The following TMEM74 variants were observed in gnomAD, a reference collection of about 807,000 sequenced individuals.
TMEM74 encodes the protein transmembrane protein 74.
TMEM74 carries 13 observed loss-of-function variants against 18.1 expected under a neutral mutation model. The observed-to-expected ratio is 0.72, with a 90% confidence interval of 0.47 to 1.14. The LOEUF is 1.14. Among genes scored for constraint, TMEM74 ranks in the 50% most tolerant of loss-of-function variants. The probability of loss-of-function intolerance (pLI) is 0.00; values close to 1 mark genes in which losing one functional copy is unlikely to be tolerated. For synonymous variants in TMEM74, 159 were observed against 146.6 expected, an observed-to-expected ratio of 1.08 and a Z score of -0.61; for missense variants, 372 against 375.9, an observed-to-expected ratio of 0.99 and a Z score of 0.09.
At chr8:108,666,592 C>T (rs1251993490) in intron 1 of TMEM74, among the ~76,000 whole-genome samples, 2 of 152,058 alleles carry the variant, frequency 1.3e-5, no homozygotes, top group African/African-American at 2.4e-5. Flanking sequence ...GCTAATGTAC[C>T]CCTGCATAGC....
chr8:108,726,937 TC>T (rs1272073495), intron 1 of TMEM74, among the ~76,000 whole-genome samples: 3 of 152,088 alleles, frequency 2.0e-5, no homozygotes, highest in Non-Finnish European at 4.4e-5. Flanking sequence ...CAGAGCATGG[TC>T]CAGAGAGGCC....
chr8:108,751,523 T>A (rs1403118541), intron 1 of TMEM74, among the ~76,000 whole-genome samples: 5 of 152,156 alleles, frequency 3.3e-5, no homozygotes, highest in African/African-American at 1.2e-4. Context: ...TATAAAAGAA[T>A]CCAAGATGGA....
intron 1 of TMEM74, among the ~76,000 whole-genome samples, chr8:108,718,255 G>GC (rs1208854323): frequency 2.0e-5 from 3 of 151,686 alleles, no homozygotes; most frequent in Non-Finnish European, 4.4e-5. Flanking sequence ...ACCGCGCCCG[G>GC]CCCTGACTTA....
chr8:108,705,719 A>G (rs77452738), intron 1 of TMEM74, among the ~76,000 whole-genome samples: 2 of 140,782 alleles, frequency 1.4e-5, no homozygotes, highest in South Asian at 2.1e-4. Context: ...GAGTCTTATG[A>G]AAAAAAAAGT....
chr8:108,616,125 A>G (rs1010000157), intron 2 of TMEM74, among the ~76,000 whole-genome samples: 3 of 152,086 alleles, frequency 2.0e-5, no homozygotes, highest in Non-Finnish European at 4.4e-5. Flanking sequence ...GATCTTAGGC[A>G]AAGCGTGTTT....
intron 1 of TMEM74, among the ~76,000 whole-genome samples, chr8:108,705,220 A>G (rs1248895530): frequency 6.6e-6 from 1 of 152,216 alleles, no homozygotes; most frequent in Non-Finnish European, 1.5e-5. Context: ...AAAGAAAAAG[A>G]CAACATAAAA....
intron 1 of TMEM74, among the ~76,000 whole-genome samples, chr8:108,678,681 T>C (rs913437172): frequency 4.0e-5 from 6 of 151,324 alleles, no homozygotes; most frequent in Non-Finnish European, 7.4e-5. Flanking sequence ...CTTTTTTTTT[T>C]CTTATAAAGC....
chr8:108,756,572 G>GAAAGAAAA (rs1408973369), intron 1 of TMEM74, among the ~76,000 whole-genome samples: 1 of 111,222 alleles, frequency 9.0e-6, no homozygotes, highest in African/African-American at 3.9e-5. Context: ...AAGAAAGAAA[G>GAAAGAAAA]AAAGAAAGAA....
chr8:108,615,025 C>T (rs1430411686), intron 2 of TMEM74, among the ~76,000 whole-genome samples: 1 of 152,108 alleles, frequency 6.6e-6, no homozygotes, highest in African/African-American at 2.4e-5. Context: ...ACTGAAAGGT[C>T]AATATTCTGG....
At chr8:108,657,879 T>TATATATATATATTAATTAC (rs1554630292) in intron 1 of TMEM74, among the ~76,000 whole-genome samples, 42 of 82,710 alleles carry the variant, frequency 5.1e-4, no homozygotes, top group South Asian at 3.2e-3. Flanking sequence ...TATATATATA[T>TATATATATATATTAATTAC]ATATATATAT....
intron 1 of TMEM74, among the ~76,000 whole-genome samples, chr8:108,730,566 T>G (rs10095059): frequency 6.6e-6 from 1 of 151,950 alleles, no homozygotes; most frequent in Admixed American, 6.6e-5. Flanking sequence ...TATATATTTA[T>G]TCACCTTTTA....
At chr8:108,626,467 G>A (rs778573083) in intron 2 of TMEM74, 2 of 152,030 alleles carry the variant, frequency 1.3e-5, no homozygotes, top group African/African-American at 2.4e-5. Context: ...TAACAATCAT[G>A]TTTAAATTAG....
intron 1 of TMEM74, among the ~76,000 whole-genome samples, chr8:108,671,515 G>C (rs779476729): frequency 4.6e-5 from 7 of 152,240 alleles, no homozygotes; most frequent in Non-Finnish European, 1.0e-4. Flanking sequence ...TGTGTTAAGA[G>C]GGTTTTCACA....
chr8:108,657,877 TA>T (rs1812857416), intron 1 of TMEM74, among the ~76,000 whole-genome samples: 1 of 70,906 alleles, frequency 1.4e-5, no homozygotes, highest in Non-Finnish European at 2.6e-5. Flanking sequence ...TATATATATA[TA>T]TATATATATA....
intron 1 of TMEM74, among the ~76,000 whole-genome samples, chr8:108,729,065 G>T (rs918952223): frequency 7.9e-5 from 12 of 152,092 alleles, no homozygotes; most frequent in Admixed American, 6.5e-4. Flanking sequence ...TTTTCTCATA[G>T]TTTTTTGGGT....
intron 1 of TMEM74, among the ~76,000 whole-genome samples, chr8:108,685,082 ATTTG>A (rs1239536536): frequency 6.6e-6 from 1 of 151,934 alleles, no homozygotes; most frequent in Non-Finnish European, 1.5e-5. Context: ...ATGTCTTTCT[ATTTG>A]TTTGTATACT....
At position 108,723,494 on chromosome 8, in the gene TMEM74, T is replaced by C. The variant is rs141694956; in HGVS notation, n.119+63982A>G. 9.2e-3 allele frequency among the ~76,000 whole-genome samples: 1,394 copies of C among 152,210 alleles called. 13 individuals carry two copies. The highest frequency in any genetic ancestry group is 0.014 in the Non-Finnish European group (935 of 67,996). ...TATATATGAATATGTTTCACTAAAA[T>C]AGGCAAGGCAGCAATCATTTTGAGT... On this transcript the variant is annotated intron_variant and non_coding_transcript_variant, in intron 1 of 3. Coordinates refer to the TMEM74 transcript ENST00000518838.
intron 1 of TMEM74, among the ~76,000 whole-genome samples, chr8:108,666,465 G>A (rs1432614019): frequency 1.3e-5 from 2 of 152,120 alleles, no homozygotes; most frequent in Admixed American, 6.6e-5. Flanking sequence ...CCCACCAGGG[G>A]GCTTCCTGGA....
intron 2 of TMEM74, among the ~76,000 whole-genome samples, chr8:108,627,348 T>A (rs1812503877): frequency 6.6e-6 from 1 of 151,988 alleles, no homozygotes; most frequent in Non-Finnish European, 1.5e-5. Flanking sequence ...TGGGAGATAG[T>A]ATGACATAGA....
Sources: allele counts gnomAD v4.1 joint callset (sites outside exome capture counted in the v4.1 genomes callset), GRCh38; gene constraint gnomAD v4.1.1; transcripts MANE v1.5; gene names NCBI Gene and HGNC (gene_info 2026-07-23, HGNC 2026-07-21).